OR7C1: variants seen among roughly 807,000 people sequenced by gnomAD.
The protein encoded by OR7C1 is olfactory receptor family 7 subfamily C member 1.
For synonymous variants in OR7C1, 152 were observed against 160.7 expected, an observed-to-expected ratio of 0.95 and a Z score of 0.41; for missense variants, 324 against 383.3, an observed-to-expected ratio of 0.85 and a Z score of 1.29.
intron 1 of OR7C1, among the ~76,000 whole-genome samples, chr19:14,829,870 C>T (rs2044813971): frequency 6.6e-6 from 1 of 152,206 alleles, no homozygotes; most frequent in African/African-American, 2.4e-5. Context: ...CTCACACACA[C>T]ATATACACAT....
chr19:14,800,026 G>C, exon 5 of OR7C1: 1 of 1,614,148 alleles, frequency 6.2e-7, no homozygotes, highest in East Asian at 2.2e-5. Flanking sequence ...CGGTGAAAGT[G>C]ACTAGGTACA....
At chr19:14,815,864 C>T (rs151027099) in intron 1 of OR7C1, among the ~76,000 whole-genome samples, 4 of 151,542 alleles carry the variant, frequency 2.6e-5, no homozygotes, top group Non-Finnish European at 5.9e-5. Flanking sequence ...CTCTGTTGCC[C>T]AGGCAGGCGT....
intron 1 of OR7C1, among the ~76,000 whole-genome samples, chr19:14,828,814 A>T (rs1463939378): frequency 6.9e-6 from 1 of 144,582 alleles, no homozygotes; most frequent in Middle Eastern, 3.2e-3. Context: ...TATGAATTTG[A>T]GGAATATAAA....
At chr19:14,834,609 A>G (rs1318366474) in intron 1 of OR7C1, among the ~76,000 whole-genome samples, 1 of 152,232 alleles carries the variant, frequency 6.6e-6, no homozygotes, top group Non-Finnish European at 1.5e-5. Flanking sequence ...CTGCTGTTGC[A>G]AAATGGTATT....
In OR7C1 at chr19:14,813,789, G is replaced by A. The variant is rs534204892; in HGVS notation, c.-622-3796C>T. On this transcript the variant is annotated intron_variant, in intron 1 of 4. Coordinates refer to ENST00000641666, the Ensembl canonical transcript of OR7C1. ...CACTCACTATCACAAGCACAGCAAG[G>A]GGGAAATCTGCCCCCATGACCCAAT... 3.9e-5 allele frequency among the ~76,000 whole-genome samples: 6 copies of A among 152,064 alleles called. No individual in the cohort carries two copies. In the East Asian group the frequency reaches 9.7e-4, roughly 25 times the overall value.
intron 1 of OR7C1, chr19:14,827,373 T>C (rs768960203): frequency 1.9e-6 from 3 of 1,612,272 alleles, no homozygotes; most frequent in Non-Finnish European, 2.5e-6. Flanking sequence ...CCTCAGACTA[T>C]AGATAAAGGG....
At chr19:14,810,621 A>G (rs202143025) in intron 1 of OR7C1, among the ~76,000 whole-genome samples, 39 of 149,624 alleles carry the variant, frequency 2.6e-4, no homozygotes, top group East Asian at 9.8e-4. Context: ...TCCTGACCTC[A>G]TGATCCGCCC....
intron 1 of OR7C1, among the ~76,000 whole-genome samples, chr19:14,834,286 A>AAAAC (rs1185076750): frequency 6.6e-6 from 1 of 152,158 alleles, no homozygotes; most frequent in African/African-American, 2.4e-5. Flanking sequence ...TCTCAAAGAA[A>AAAAC]AAACAAACAA....
chr19:14,804,357 C>T (rs901020568), intron 2 of OR7C1, among the ~76,000 whole-genome samples: 2 of 152,136 alleles, frequency 1.3e-5, no homozygotes, highest in Non-Finnish European at 2.9e-5. Context: ...GACAAATATG[C>T]AATCTTTATA....
rs752369539 is a variant in OR7C1 at position 14,827,331 on chromosome 19, T to C, written c.-623+7743A>G. ...CCCTTTCATTGTTCCCCACAACAAA[T>C]GTATTCCCAGAGCCCTCTTTATGTC... On this transcript the variant is annotated intron_variant, in intron 1 of 4. Coordinates refer to ENST00000641666, the Ensembl canonical transcript of OR7C1. 4 of 1,584,896 alleles carry C rather than the reference T, an allele frequency of 2.5e-6. No individual in the cohort carries two copies. In the Admixed American group the frequency reaches 5.6e-5, roughly 22 times the overall value.
intron 1 of OR7C1, chr19:14,827,763 A>G (rs763081028): frequency 1.9e-6 from 3 of 1,614,054 alleles, no homozygotes; most frequent in Non-Finnish European, 2.5e-6. Flanking sequence ...TACCATTAAG[A>G]TTTGTAGCAA....
At chr19:14,799,974 G>A (rs2044632988) in exon 5 of OR7C1, 8 of 1,614,040 alleles carry the variant, frequency 5.0e-6, no homozygotes, top group South Asian at 3.3e-5. Context: ...GGGGTGTGGA[G>A]GTGGGAGTCT....
At chr19:14,833,607 GA>G (rs969643618) in intron 1 of OR7C1, among the ~76,000 whole-genome samples, 1 of 152,116 alleles carries the variant, frequency 6.6e-6, no homozygotes, top group African/African-American at 2.4e-5. Flanking sequence ...TTTAACTAAA[GA>G]ATATTTTAAA....
At chr19:14,821,559 C>T (rs1398018567) in intron 1 of OR7C1, 1 of 152,196 alleles carries the variant, frequency 6.6e-6, no homozygotes, top group Non-Finnish European at 1.5e-5. Context: ...CTCTTTGTGT[C>T]TGAAAGTAAG....
intron 1 of OR7C1, chr19:14,827,221 C>T: frequency 6.8e-7 from 1 of 1,462,998 alleles, no homozygotes; most frequent in Non-Finnish European, 9.1e-7. Flanking sequence ...GGAGCAAGTT[C>T]TATTTCCACT....
chr19:14,829,265 G>T (rs192685447), intron 1 of OR7C1, among the ~76,000 whole-genome samples: 32 of 152,290 alleles, frequency 2.1e-4, no homozygotes, highest in Non-Finnish European at 1.5e-4. Flanking sequence ...GCGCAGTGGC[G>T]CAATCTCAGA....
At chr19:14,814,877 C>T (rs2145062873) in intron 1 of OR7C1, among the ~76,000 whole-genome samples, 1 of 152,276 alleles carries the variant, frequency 6.6e-6, no homozygotes, top group Admixed American at 6.5e-5. Context: ...AACAACCAAC[C>T]AGCATTAATA....
At chr19:14,802,347 C>G (rs940276760) in intron 2 of OR7C1, among the ~76,000 whole-genome samples, 13 of 151,990 alleles carry the variant, frequency 8.6e-5, no homozygotes, top group African/African-American at 3.1e-4. Context: ...TGGTGAAACC[C>G]CGTCTCTACT....
At chr19:14,809,626 A>G (rs890973605) in intron 2 of OR7C1, among the ~76,000 whole-genome samples, 180 bp downstream of exon 2, 13 of 151,930 alleles carry the variant, frequency 8.6e-5, no homozygotes, top group African/African-American at 2.9e-4. Context: ...AGAAACAGAG[A>G]TTGGAAGCAA....
Sources: allele counts gnomAD v4.1 joint callset (sites outside exome capture counted in the v4.1 genomes callset), GRCh38; gene constraint gnomAD v4.1.1; transcripts MANE v1.5; gene names NCBI Gene and HGNC (gene_info 2026-07-23, HGNC 2026-07-21).